PCDHGA11: variants seen among roughly 807,000 people sequenced by gnomAD.
PCDHGA11 encodes the protein protocadherin gamma subfamily A, 11, also known as protocadherin gamma-A11.
A neutral mutation model predicts 60.4 loss-of-function variants in PCDHGA11; 39 were observed. The observed-to-expected ratio is 0.65, with a 90% CI of 0.50 to 0.84. The LOEUF (loss-of-function observed/expected upper bound fraction) is 0.84, where lower values mean the gene tolerates loss of function less well. PCDHGA11 is among the 40% of genes least tolerant of loss of function. The pLI is 0.00. For synonymous variants in PCDHGA11, 533 were observed against 510.3 expected (o/e 1.04, Z -0.60); for missense variants, 1,165 against 1,197.7 (o/e 0.97, Z 0.40).
At position 141,487,780 on chromosome 5, in the gene PCDHGA11, C is replaced by T. The variant is rs1423149; in HGVS notation, c.2434-7027C>T. On this transcript the variant is annotated intron_variant, in intron 1 of 3. Transcript: ENST00000398587. The surrounding 1 kb of genome is among the most constrained non-coding windows in gnomAD (Gnocchi z 5.0). ...TAGACGCTGTGCTTTGTAACTGTTT[C>T]GTGAATTAACCAGAGTTGTCACAGT... 0.06 allele frequency: 91,434 copies of T among 1,526,176 alleles called. 5,728 individuals carry two copies. Among genetic ancestry groups the T allele is most frequent in the African/African-American group, 0.33 (23,789 of 72,466 alleles). The allele number at this position is 1,526,176 out of a possible 1,614,324, so 94.5% of individuals were successfully genotyped here. A position where few individuals can be genotyped will look rare whatever the true frequency, so the allele number is the denominator to read the frequency against.
chr5:141,429,672 A>G (rs1036863132), intron 1 of PCDHGA11, among the ~76,000 whole-genome samples: 1 of 152,210 alleles, frequency 6.6e-6, no homozygotes, highest in African/African-American at 2.4e-5. Context: ...ATATTATTTT[A>G]TTTTATGCCT....
chr5:141,466,992 A>ATTT (rs985433044), intron 1 of PCDHGA11, among the ~76,000 whole-genome samples: 1 of 148,706 alleles, frequency 6.7e-6, no homozygotes, highest in African/African-American at 2.5e-5. Flanking sequence ...ACCTTTTGGC[A>ATTT]TTTTTTTGCA....
At chr5:141,458,403 C>T (rs1057108239) in intron 1 of PCDHGA11, among the ~76,000 whole-genome samples, 6 of 152,136 alleles carry the variant, frequency 3.9e-5, no homozygotes, top group African/African-American at 1.2e-4. Context: ...CTTGCAGAGA[C>T]GGAGCGGGGG....
chr5:141,426,768 G>A (rs2096959269), intron 1 of PCDHGA11: 1 of 456,516 alleles, frequency 2.2e-6, no homozygotes, highest in Non-Finnish European at 4.4e-6. Flanking sequence ...TGCAGATGTA[G>A]GGCCTCACTC....
chr5:141,431,126 G>A lies in PCDHGA11; in HGVS notation c.2433+7466G>A, dbSNP rs2097344901. The A allele has an allele frequency of 2.5e-6, 4 of 1,614,114 alleles. No individual in the cohort carries two copies. Among genetic ancestry groups the A allele is most frequent in the Non-Finnish European group, 3.4e-6 (4 of 1,180,038 alleles). On this transcript the variant is annotated intron_variant, in intron 1 of 3. Coordinates refer to ENST00000398587, the MANE Select transcript of PCDHGA11 (RefSeq NM_018914.3). The surrounding 1 kb of genome is among the most constrained non-coding windows in gnomAD (Gnocchi z 4.8). ...GAAAATATATGGAGTAGAAGTAGAA[G>A]TAAGGGACATTAACGACAATGCGCC... is the stretch of plus-strand genomic sequence containing the variant.
Position 141,421,930 on chromosome 5 carries a change from G to T in PCDHGA11, c.703G>T (p.Asp235Tyr), listed in dbSNP as rs780569992. ...AGTTCCCATTCGTGTGGTGGTCCTC[G>T]ATGTAAATGATCACATCCCAATGTT... The part of the protein sequence containing the change: ...GAVPIRVVVL[D>Y]VNDHIPMFTQ... Residue 235 changes from aspartate to tyrosine, a missense_variant, in exon 1 of 4, where the codon GAT becomes TAT. Asp to Tyr is a radical substitution (Grantham distance 160). Transcript: ENST00000398587. 3.1e-6 allele frequency: 5 copies of T among 1,613,480 alleles called. No homozygotes were observed. Among genetic ancestry groups the T allele is most frequent in the Non-Finnish European group, 4.2e-6 (5 of 1,179,732 alleles).
Position 141,489,772 on chromosome 5 carries a change from T to C in PCDHGA11, c.2434-5035T>C, listed in dbSNP as rs1327700197. 6.2e-7 allele frequency: 1 copy of C among 1,614,154 alleles called. No individual in the cohort carries two copies. The highest frequency in any genetic ancestry group is 8.5e-7 in the Non-Finnish European group (1 of 1,179,994). ...TTACACTCTAAGCCCCAACAGCCAC[T>C]TCTCTCTGAATGTGAAGACCCTAAA... On this transcript the variant is annotated intron_variant, in intron 1 of 3. Coordinates refer to ENST00000398587, the MANE Select transcript of PCDHGA11 (RefSeq NM_018914.3). This position sits in a 1 kb window ranked among gnomAD's most constrained non-coding sequence, Gnocchi z 4.5.
Position 141,489,569 on chromosome 5 carries a change from C to T in PCDHGA11, c.2434-5238C>T. On this transcript the variant is annotated intron_variant, in intron 1 of 3. Coordinates refer to ENST00000398587, the MANE Select transcript of PCDHGA11 (RefSeq NM_018914.3). This position sits in a 1 kb window ranked among gnomAD's most constrained non-coding sequence, Gnocchi z 4.5. ...TGCCTGCTGCCAGTGCAGGTGGTGACTGAACACCCCCTGGAGCTAATCCGT... is the reference window on the plus strand; with the variant it reads ...TGCCTGCTGCCAGTGCAGGTGGTGATTGAACACCCCCTGGAGCTAATCCGT... 6.2e-7 allele frequency: 1 copy of T among 1,614,024 alleles called. No homozygotes were observed. The highest frequency in any genetic ancestry group is 2.2e-5 in the East Asian group (1 of 44,870).
At chr5:141,480,722 C>T (rs1002559431) in intron 1 of PCDHGA11, among the ~76,000 whole-genome samples, 1 of 152,174 alleles carries the variant, frequency 6.6e-6, no homozygotes, top group African/African-American at 2.4e-5. Flanking sequence ...AAAGCACAGT[C>T]TCTGGGGGTG....
chr5:141,495,077 C>T (rs1237589417), intron 2 of PCDHGA11, among the ~76,000 whole-genome samples: 4 of 152,180 alleles, frequency 2.6e-5, no homozygotes, highest in African/African-American at 9.7e-5. Flanking sequence ...AATTCACATG[C>T]TTGCCCCTTC....
At chr5:141,438,305 G>T (rs1287488865) in intron 1 of PCDHGA11, among the ~76,000 whole-genome samples, 2 of 151,822 alleles carry the variant, frequency 1.3e-5, no homozygotes, top group East Asian at 1.9e-4. Context: ...AAAGAAGTTG[G>T]TACCACCATA....
intron 1 of PCDHGA11, among the ~76,000 whole-genome samples, chr5:141,492,329 C>T (rs2099739386): frequency 1.3e-5 from 2 of 152,232 alleles, no homozygotes; most frequent in African/African-American, 4.8e-5. Context: ...CGTGGGCTTA[C>T]GCGAATACCA....
Position 141,421,501 on chromosome 5 carries a change from G to T in PCDHGA11, c.274G>T (p.Asp92Tyr). Residue 92 changes from aspartate (D) to tyrosine (Y), a missense_variant, in exon 1 of 4, where the codon GAC becomes TAC. Coordinates refer to ENST00000398587, the MANE Select transcript of PCDHGA11 (RefSeq NM_018914.3). ...CAGCTTGATCACGGCAGGCAGGATAGACCGGGAGGAGCTCTGTGAGACGGT... is the reference window on the plus strand; with the variant it reads ...CAGCTTGATCACGGCAGGCAGGATATACCGGGAGGAGCTCTGTGAGACGGT... The part of the protein sequence containing the change: ...SGSLITAGRI[D>Y]REELCETVSS... 1 of 1,614,094 alleles carries T rather than the reference G, an allele frequency of 6.2e-7. No individual in the cohort carries two copies. Among genetic ancestry groups the T allele is most frequent in the Non-Finnish European group, 8.5e-7 (1 of 1,179,920 alleles).
chr5:141,478,668 T>G (rs1411369994), intron 1 of PCDHGA11: 40 of 1,551,660 alleles, frequency 2.6e-5, no homozygotes, highest in Non-Finnish European at 3.4e-5. Flanking sequence ...CATTCACACT[T>G]TCAACTGGCC....
In PCDHGA11 at chr5:141,511,519, C is replaced by G; in HGVS notation, c.*346C>G. 2.7e-6 allele frequency: 1 copy of G among 367,516 alleles called. No homozygotes were observed. Among genetic ancestry groups the G allele is most frequent in the African/African-American group, 2.1e-5 (1 of 48,286 alleles). 22.8% of individuals were successfully genotyped at this position (367,516 alleles called of 1,614,324 possible). A position where few individuals can be genotyped will look rare whatever the true frequency, so the allele number is the denominator to read the frequency against. ...CCAAATCAATCAGGCCCATCCATCC[C>G]ATGCCTCCCTCCTCCCCACCCCACT... On this transcript the variant is annotated 3_prime_UTR_variant, in exon 4 of 4. Coordinates refer to ENST00000398587, the MANE Select transcript of PCDHGA11 (RefSeq NM_018914.3).
intron 3 of PCDHGA11, among the ~76,000 whole-genome samples, chr5:141,509,700 TGGA>T (rs1407159498): frequency 6.6e-6 from 1 of 152,192 alleles, no homozygotes; most frequent in East Asian, 1.9e-4. Flanking sequence ...GACGTTGGAC[TGGA>T]GGTGCTGTCT....
chr5:141,456,641 G>A (rs2098873674), intron 1 of PCDHGA11, among the ~76,000 whole-genome samples: 1 of 152,160 alleles, frequency 6.6e-6, no homozygotes, highest in South Asian at 2.1e-4. Context: ...TACTACAGGT[G>A]TTAATCCCAA....
At chr5:141,478,143 A>G (rs759384540) in intron 1 of PCDHGA11, 72 of 1,614,014 alleles carry the variant, frequency 4.5e-5, no homozygotes, top group Middle Eastern at 3.3e-4. Context: ...GCCCGAGCCG[A>G]GTTCCCCTCT....
chr5:141,434,621 G>A (rs980508411), intron 1 of PCDHGA11, among the ~76,000 whole-genome samples: 1 of 151,966 alleles, frequency 6.6e-6, no homozygotes, highest in Non-Finnish European at 1.5e-5. Flanking sequence ...CCATCTCTTC[G>A]TTTCCCATAA....
Sources: allele counts gnomAD v4.1 joint callset (sites outside exome capture counted in the v4.1 genomes callset), GRCh38; gene constraint gnomAD v4.1.1; non-coding constraint Gnocchi (gnomAD v3.1); transcripts MANE v1.5; gene names NCBI Gene and HGNC (gene_info 2026-07-23, HGNC 2026-07-21).